CACNA1I: variants seen among roughly 807,000 people sequenced by gnomAD.
CACNA1I encodes calcium voltage-gated channel subunit alpha1 I.
Under a neutral mutation model 201.6 loss-of-function variants are expected in CACNA1I, and 74 were observed. The observed-to-expected ratio is 0.37, with a 90% CI of 0.30 to 0.45. The LOEUF (loss-of-function observed/expected upper bound fraction) is 0.45. Among genes scored for constraint, CACNA1I ranks in the 20% least tolerant of loss-of-function variants. CACNA1I has a pLI of 1.00. For missense variants in CACNA1I, 2,346 were observed against 3,138.1 expected (o/e 0.75, Z 6.03); for synonymous variants, 1,431 against 1,345.2 (o/e 1.06, Z -1.40).
intron 3 of CACNA1I, among the ~76,000 whole-genome samples, chr22:39,617,489 G>C (rs114434072): frequency 0.06 from 9,182 of 152,090 alleles, 318 homozygotes; most frequent in Middle Eastern, 0.085. Flanking sequence ...GGGGCATGGT[G>C]GGGAGGGCTG....
chr22:39,649,862 C>T lies in CACNA1I; in HGVS notation c.1929C>T (p.Asn643=), dbSNP rs746752599. The change falls in exon 10 of 37, where the codon AAC becomes AAT. Residue 643 remains asparagine (N), a synonymous_variant. Transcript: ENST00000402142. This position sits in a 1 kb window ranked among gnomAD's most constrained non-coding sequence, Gnocchi z 7.3. ...GCATCGTGGACAGCAAGTACTTCAA[C>T]CGGGGCATCATGATGGCCATCCTGG... ...LRGIVDSKYF[N]RGIMMAILVN... 4 of 1,613,490 alleles carry T rather than the reference C, an allele frequency of 2.5e-6. No homozygotes were observed. The highest frequency in any genetic ancestry group is 1.3e-5 in the African/African-American group (1 of 74,912).
At chr22:39,682,922 C>A (rs1484702274) in intron 35 of CACNA1I, among the ~76,000 whole-genome samples, 3 of 152,068 alleles carry the variant, frequency 2.0e-5, no homozygotes, top group Non-Finnish European at 4.4e-5. Context: ...TCATGCTGAG[C>A]TTCCTAGGAG....
At position 39,591,644 on chromosome 22, in the gene CACNA1I, C is replaced by T. The variant is rs141446890; in HGVS notation, c.237-6507C>T. Among the ~76,000 whole-genome samples, 984 of 151,800 alleles carry T rather than the reference C, an allele frequency of 6.5e-3. 11 individuals are homozygous for T. Among genetic ancestry groups the T allele is most frequent in the African/African-American group, 0.023 (956 of 41,392 alleles). ...TGCAATCTCAGCTCACTGAAACCTCCACCTCCCGGGTTCAAGCGATTCTTC... is the reference window on the plus strand; with the variant it reads ...TGCAATCTCAGCTCACTGAAACCTCTACCTCCCGGGTTCAAGCGATTCTTC... On this transcript the variant is annotated intron_variant, in intron 1 of 36. Coordinates refer to ENST00000402142, the MANE Select transcript of CACNA1I (RefSeq NM_021096.4).
chr22:39,664,423 G>T (rs1398451302), intron 20 of CACNA1I, among the ~76,000 whole-genome samples: 2 of 152,126 alleles, frequency 1.3e-5, no homozygotes, highest in Non-Finnish European at 2.9e-5. Flanking sequence ...CCTGCTAGAG[G>T]TGTGGGGCGC....
rs117572919 is a variant in CACNA1I at position 39,593,352 on chromosome 22, C to T, written c.237-4799C>T. 6.3e-3 allele frequency among the ~76,000 whole-genome samples: 960 copies of T among 152,310 alleles called. 5 individuals carry two copies. Among genetic ancestry groups the T allele is most frequent in the Non-Finnish European group, 9.7e-3 (663 of 68,018 alleles). ...GTCTGGTACACAGTCGTCAGAGGTACTGCCAAATTCATCACTGTGGTACGT... is the reference window on the plus strand; with the variant it reads ...GTCTGGTACACAGTCGTCAGAGGTATTGCCAAATTCATCACTGTGGTACGT... On this transcript the variant is annotated intron_variant, in intron 1 of 36. Coordinates refer to ENST00000402142, the MANE Select transcript of CACNA1I (RefSeq NM_021096.4).
rs570897264 is a variant in CACNA1I, at chr22:39,634,908, A to G, written c.740+184A>G. Among the ~76,000 whole-genome samples the G allele has an allele frequency of 8.5e-5, 13 of 152,280 alleles. No homozygotes were observed. In the East Asian group the frequency reaches 2.5e-3, roughly 29 times the overall value. ...TGATGCCCAGGAGGAAAAAGAAGACAGAAAACCTGAAGAGCAGGCACAGAA... is the reference window on the plus strand; with the variant it reads ...TGATGCCCAGGAGGAAAAAGAAGACGGAAAACCTGAAGAGCAGGCACAGAA... On this transcript the variant is annotated intron_variant, in intron 5 of 36. Coordinates refer to ENST00000402142, the MANE Select transcript of CACNA1I (RefSeq NM_021096.4).
Position 39,686,469 on chromosome 22 carries a change from A to C in CACNA1I, c.*64A>C. The C allele has an allele frequency of 9.0e-7, 1 of 1,113,046 alleles. No homozygotes were observed. Among genetic ancestry groups the C allele is most frequent in the Admixed American group, 4.4e-5 (1 of 22,544 alleles). The allele number at this position is 1,113,046 out of a possible 1,614,324, so 68.9% of individuals were successfully genotyped here. On this transcript the variant is annotated 3_prime_UTR_variant, in exon 37 of 37. Transcript: ENST00000402142. The stretch of plus-strand genomic sequence containing the variant: ...TCTCACCTTCTTTACCTCAGGAGCC[A>C]GGAGCAGACAGCAATACTTCGTCCA...
chr22:39,617,125 G>C (rs1297705144), intron 3 of CACNA1I, among the ~76,000 whole-genome samples: 2 of 152,244 alleles, frequency 1.3e-5, no homozygotes, highest in African/African-American at 4.8e-5. Flanking sequence ...CACAGGTAAA[G>C]AGAACAGTGC....
chr22:39,600,763 GGGACCCTCCT>G, intron 3 of CACNA1I, 110 bp downstream of exon 3: 1 of 1,351,208 alleles, frequency 7.4e-7, no homozygotes, highest in South Asian at 1.7e-5. Context: ...GGTGATGCGT[GGGACCCTCCT>G]GGACCCCTGG....
intron 3 of CACNA1I, among the ~76,000 whole-genome samples, chr22:39,601,758 AT>A (rs981539564): frequency 4.0e-5 from 6 of 151,174 alleles, no homozygotes; most frequent in Non-Finnish European, 8.8e-5. Context: ...AAGTGAGGTG[AT>A]TCGTTTCACT....
intron 3 of CACNA1I, among the ~76,000 whole-genome samples, chr22:39,609,848 C>T (rs905044946): frequency 2.6e-5 from 4 of 152,204 alleles, no homozygotes; most frequent in African/African-American, 7.2e-5. Context: ...CTGCCAAAGC[C>T]GTGGCTCTAC....
At chr22:39,602,699 A>G (rs1933103531) in intron 3 of CACNA1I, among the ~76,000 whole-genome samples, 1 of 152,108 alleles carries the variant, frequency 6.6e-6, no homozygotes, top group Admixed American at 6.5e-5. Flanking sequence ...ATTCAAACCT[A>G]CACTATAGTA....
rs747185563 is a variant in CACNA1I, at chr22:39,672,307, C to A, written c.4648C>A (p.Arg1550=). ...AFGLRRFFKD[R]WNQLDLAIVL... is the part of the protein sequence containing the mutation. ...TGGTCTGAGGCGCTTCTTCAAGGAC[C>A]GGTGAGTGGCCAGGCTGGATTAGGG... The change falls in exon 27 of 37, where the codon CGA becomes AGA. Residue 1550 remains arginine (R), a splice_region_variant and synonymous_variant. Coordinates refer to ENST00000402142, the MANE Select transcript of CACNA1I (RefSeq NM_021096.4). The A allele has an allele frequency of 1.3e-6, 2 of 1,599,476 alleles. No individual in the cohort carries two copies. Among genetic ancestry groups the A allele is most frequent in the Non-Finnish European group, 1.7e-6 (2 of 1,167,302 alleles).
At position 39,634,798 on chromosome 22, in the gene CACNA1I, TG is replaced by T. The variant is rs1454801447; in HGVS notation, c.740+77del. 4.1e-6 allele frequency: 6 copies of T among 1,465,900 alleles called. No individual in the cohort carries two copies. The African/African-American group carries it at 8.4e-5, about 20-fold the overall frequency. The allele number at this position is 1,465,900 out of a possible 1,614,324, so 90.8% of individuals were successfully genotyped here. On this transcript the variant is annotated intron_variant, in intron 5 of 36. Coordinates refer to ENST00000402142, the MANE Select transcript of CACNA1I (RefSeq NM_021096.4). ...ACACAGTTTTAACCTTCTGGGTCAT[TG>T]GGAATCAGGACCAATGGGGTAGAAG...
Position 39,677,348 on chromosome 22 carries a change from A to G in CACNA1I, c.4862A>G (p.Asn1621Ser), listed in dbSNP as rs892303467. Reference protein sequence around the residue: ...TVVQALPQVGNLGLLFMLLFF... With the variant: ...TVVQALPQVGSLGLLFMLLFF... ...TCACCTGTCCTCCCGCAGGTGGGCA[A>G]CCTGGGCCTCCTCTTCATGCTGCTC... The change falls in exon 30 of 37, where the codon AAC (asparagine) becomes AGC (serine). Residue 1621 changes from asparagine to serine, a missense_variant. Asn to Ser is a conservative substitution (Grantham distance 46). This residue lies in a region of CACNA1I where 50 missense variants were observed against 43.6 expected (regional missense o/e 1.15). Coordinates refer to ENST00000402142, the MANE Select transcript of CACNA1I (RefSeq NM_021096.4). The surrounding 1 kb of genome is among the most constrained non-coding windows in gnomAD (Gnocchi z 4.8). 6.3e-7 allele frequency: 1 copy of G among 1,594,984 alleles called. No individual in the cohort carries two copies. Among genetic ancestry groups the G allele is most frequent in the Non-Finnish European group, 8.5e-7 (1 of 1,173,784 alleles).
intron 1 of CACNA1I, among the ~76,000 whole-genome samples, chr22:39,586,523 A>C (rs1422289737): frequency 1.3e-5 from 2 of 152,068 alleles, no homozygotes; most frequent in Admixed American, 1.3e-4. Context: ...TAAATAAATA[A>C]AAACTTTATT....
Position 39,662,855 on chromosome 22 carries a change from A to G in CACNA1I, c.3452A>G (p.Tyr1151Cys). The G allele has an allele frequency of 6.3e-7, 1 of 1,596,510 alleles. No individual in the cohort carries two copies. Among genetic ancestry groups the G allele is most frequent in the Non-Finnish European group, 8.5e-7 (1 of 1,171,554 alleles). ...WCEVREDWSV[Y>C]LFSPENRFRV... ...GAGGTCCGCGAAGACTGGTCTGTCT[A>G]CCTCTTCTCTCCCGAGAACAGGTGG... Residue 1151 changes from tyrosine (Y) to cysteine (C), a missense_variant, in exon 18 of 37, where the codon TAC becomes TGC. By Grantham distance (194) the Tyr-to-Cys change is radical. Transcript: ENST00000402142.
At chr22:39,596,529 G>T in intron 1 of CACNA1I, among the ~76,000 whole-genome samples, 1 of 149,236 alleles carries the variant, frequency 6.7e-6, no homozygotes, top group Non-Finnish European at 1.5e-5. Flanking sequence ...TGGGGGGGCA[G>T]GGCAGAGGGA....
rs1935866997 is a variant in CACNA1I, at chr22:39,686,169, G to T, written c.6436G>T (p.Gly2146Cys). The T allele has an allele frequency of 8.1e-7, 1 of 1,233,728 alleles. No individual in the cohort carries two copies. Among genetic ancestry groups the T allele is most frequent in the East Asian group, 3.7e-5 (1 of 27,292 alleles). The allele number at this position is 1,233,728 out of a possible 1,614,324, so 76.4% of individuals were successfully genotyped here. Residue 2146 changes from glycine to cysteine, a missense_variant, in exon 37 of 37, where the codon GGC becomes TGC. By Grantham distance (159) the Gly-to-Cys change is radical. Around this residue, in one of 13 missense-constraint regions of CACNA1I, gnomAD observed 187 missense variants for 151.0 expected, o/e 1.24. Transcript: ENST00000402142. ...FCPPPPPPAP[G>C]LTPARKFSST... ...CCCGCCGCCCCCGCCGCCAGCCCCC[G>T]GCCTCACGCCCGCCAGGAAGTTCAG...
Sources: gnomAD v4.1 joint callset for allele counts (sites outside exome capture counted in the v4.1 genomes callset) on GRCh38, gnomAD v4.1.1 for gene constraint, gnomAD v4.1.1 regional missense constraint, Gnocchi (gnomAD v3.1) non-coding constraint, MANE v1.5 for transcripts, NCBI Gene and HGNC (gene_info 2026-07-23, HGNC 2026-07-21) for gene names.